The following CELF2 variants were observed in gnomAD, a reference collection of about 807,000 sequenced individuals.
The protein encoded by CELF2 is CUGBP Elav-like family member 2.
Under a neutral mutation model 62.6 loss-of-function variants are expected in CELF2, and 8 were observed. That is an observed-to-expected ratio of 0.13 (90% CI 0.07 to 0.23). The LOEUF (loss-of-function observed/expected upper bound fraction) is 0.23. Ranked by LOEUF, CELF2 falls within the 10% of genes least tolerant of loss-of-function variation. The pLI is 1.00. For synonymous variants in CELF2, 258 were observed against 250.0 expected (o/e 1.03, Z -0.30); for missense variants, 333 against 671.0 (o/e 0.50, Z 5.56).
At chr10:11,291,719 C>T (rs2092551603) in intron 9 of CELF2, among the ~76,000 whole-genome samples, 1 of 152,110 alleles carries the variant, frequency 6.6e-6, no homozygotes, top group African/African-American at 2.4e-5. Flanking sequence ...TATTGTTACC[C>T]AGTTTTTAAC....
intron 2 of CELF2, among the ~76,000 whole-genome samples, chr10:10,942,933 C>A (rs550929962): frequency 2.0e-5 from 3 of 152,204 alleles, no homozygotes; most frequent in South Asian, 4.1e-4. Context: ...CCCATTGTGG[C>A]CAAAAAGGAA....
chr10:10,649,882 G>C, the CELF2 span, among the ~76,000 whole-genome samples: 2 of 152,126 alleles, frequency 1.3e-5, no homozygotes, highest in Non-Finnish European at 1.5e-5. Context: ...GAGTGCAGCT[G>C]TTCCTCTGCT....
At chr10:11,283,955 AGTGT>A (rs1242549965) in intron 8 of CELF2, among the ~76,000 whole-genome samples, 175 of 62,924 alleles carry the variant, frequency 2.8e-3, no homozygotes, top group African/African-American at 8.2e-3. Context: ...ATGAGGGATG[AGTGT>A]GTGGTGGGTG....
At position 10,928,770 on chromosome 10, in the gene CELF2, A is replaced by G. The variant is rs2065788604; in HGVS notation, c.89+8771A>G. On this transcript the variant is annotated intron_variant, in intron 2 of 13. Coordinates refer to the CELF2 transcript ENST00000636488. This position sits in a 1 kb window ranked among gnomAD's most constrained non-coding sequence, Gnocchi z 4.8. The stretch of plus-strand genomic sequence containing the variant: ...CCCTATCCTAGCATCTGTGTCATCC[A>G]ATAATATAATTGACTAGAGGACTTT... Among the ~76,000 whole-genome samples, 1 of 152,166 alleles carries G rather than the reference A, an allele frequency of 6.6e-6. No individual in the cohort carries two copies. The highest frequency in any genetic ancestry group is 2.1e-4 in the South Asian group (1 of 4,826).
chr10:10,827,443 AAG>A (rs1481433959), intron 1 of CELF2, among the ~76,000 whole-genome samples: 1 of 152,226 alleles, frequency 6.6e-6, no homozygotes, highest in African/African-American at 2.4e-5. Context: ...GCAACCTGAG[AAG>A]AGACTAGTTT....
chr10:11,238,232 G>A (rs1198895890), intron 3 of CELF2, among the ~76,000 whole-genome samples: 1 of 152,158 alleles, frequency 6.6e-6, no homozygotes, highest in African/African-American at 2.4e-5. Context: ...CTTAATTTGA[G>A]CTCATTAATC....
At chr10:10,711,205 G>A in the CELF2 span, among the ~76,000 whole-genome samples, 3 of 152,042 alleles carry the variant, frequency 2.0e-5, no homozygotes, top group Admixed American at 6.6e-5. Flanking sequence ...TTATATTGAC[G>A]CCTAAAAGAT....
At chr10:10,856,489 T>A (rs1302809603) in intron 1 of CELF2, among the ~76,000 whole-genome samples, 1 of 152,174 alleles carries the variant, frequency 6.6e-6, no homozygotes, top group Non-Finnish European at 1.5e-5. Flanking sequence ...TGGCTAAAGG[T>A]AAGGAACAAG....
At chr10:11,325,789 C>CT in intron 11 of CELF2, 47 bp from the exon 12 acceptor site, 3 of 1,549,922 alleles carry the variant, frequency 1.9e-6, no homozygotes, top group South Asian at 2.4e-5. Flanking sequence ...ACTTTGGAAA[C>CT]TAAGACTCAA....
chr10:10,480,721 A>G, the CELF2 span, among the ~76,000 whole-genome samples: 1 of 152,250 alleles, frequency 6.6e-6, no homozygotes, highest in Admixed American at 6.5e-5. Context: ...TTTGAAAGTA[A>G]GACTGAAAAT....
At chr10:10,582,008 A>G in the CELF2 span, among the ~76,000 whole-genome samples, 2 of 152,278 alleles carry the variant, frequency 1.3e-5, no homozygotes, top group Non-Finnish European at 2.9e-5. Context: ...AGTCTGGGCA[A>G]CAGAGCAAGA....
At chr10:10,567,917 A>G in the CELF2 span, among the ~76,000 whole-genome samples, 11 of 152,170 alleles carry the variant, frequency 7.2e-5, no homozygotes, top group Non-Finnish European at 1.5e-4. Flanking sequence ...AGATATTTAC[A>G]AAACTCCTAC....
At chr10:10,958,915 G>C (rs2049183607) in intron 2 of CELF2, among the ~76,000 whole-genome samples, 1 of 152,104 alleles carries the variant, frequency 6.6e-6, no homozygotes, top group African/African-American at 2.4e-5. Context: ...ATGGCGCTTT[G>C]GTTGACATTT....
At position 11,275,117 on chromosome 10, in the gene CELF2, G is replaced by T; in HGVS notation, c.838G>T (p.Ala280Ser). 6.2e-7 allele frequency: 1 copy of T among 1,614,168 alleles called. No homozygotes were observed. ...LGAFSGIQQM[A>S]GMNALQLQNL... ...TGCGTTCAGCGGCATTCAACAAATGGCAGGTAAGTCAGGAAGCACGCCTCT... is the reference window on the plus strand; with the variant it reads ...TGCGTTCAGCGGCATTCAACAAATGTCAGGTAAGTCAGGAAGCACGCCTCT... The change falls in exon 8 of 13, where the codon GCA becomes TCA. Residue 280 changes from alanine (A) to serine (S), a missense_variant. Ala to Ser is a moderately conservative substitution (Grantham distance 99). This residue lies in a region of CELF2 where 253 missense variants were observed against 503.0 expected (regional missense o/e 0.50). Transcript: ENST00000633077.
At chr10:10,910,482 T>A (rs1332352418) in intron 1 of CELF2, among the ~76,000 whole-genome samples, 2 of 151,372 alleles carry the variant, frequency 1.3e-5, no homozygotes, top group Non-Finnish European at 1.5e-5. Flanking sequence ...ATCATTTGAG[T>A]TCATGAGTTT....
At chr10:11,148,084 C>A (rs2062611326) in intron 1 of CELF2, among the ~76,000 whole-genome samples, 1 of 152,264 alleles carries the variant, frequency 6.6e-6, no homozygotes, top group Non-Finnish European at 1.5e-5. Flanking sequence ...AAAGTGACCC[C>A]AGTCCGGCAA....
At position 11,005,575 on chromosome 10, in the gene CELF2, G is replaced by C; in HGVS notation, c.53+135G>C. ...GGGGGAAAAAGAATCTAAAGAGGAA[G>C]AGGGAGATGAAATCGAGACCCAGAG... is the stretch of plus-strand genomic sequence containing the variant. On this transcript the variant is annotated intron_variant, in intron 1 of 12. Coordinates refer to the CELF2 transcript ENST00000416382. This position sits in a 1 kb window ranked among gnomAD's most constrained non-coding sequence, Gnocchi z 4.3. 1.5e-6 allele frequency: 2 copies of C among 1,368,386 alleles called. No individual in the cohort carries two copies. The highest frequency in any genetic ancestry group is 2.0e-6 in the Non-Finnish European group (2 of 978,340). 84.8% of individuals were successfully genotyped at this position (1,368,386 alleles called of 1,614,324 possible). A position where few individuals can be genotyped will look rare whatever the true frequency, so the allele number is the denominator to read the frequency against.
rs190773670 is a variant in CELF2 at position 10,944,726 on chromosome 10, C to T, written c.89+24727C>T. ...AAGCGATTCTCATGCCTCAGCCTCC[C>T]GAGTAGCTGGGATTACAGGTGTGCA... On this transcript the variant is annotated intron_variant, in intron 2 of 13. Coordinates refer to the CELF2 transcript ENST00000636488. 5.9e-5 allele frequency among the ~76,000 whole-genome samples: 9 copies of T among 152,080 alleles called. No homozygotes were observed. In the East Asian group the frequency reaches 9.7e-4, roughly 16 times the overall value.
At chr10:10,698,812 G>A in the CELF2 span, among the ~76,000 whole-genome samples, 1 of 152,102 alleles carries the variant, frequency 6.6e-6, no homozygotes, top group Non-Finnish European at 1.5e-5. Context: ...GGTGTCTAGA[G>A]GCAGTCTTTT....
Sources: allele counts gnomAD v4.1 joint callset (sites outside exome capture counted in the v4.1 genomes callset), GRCh38; gene constraint gnomAD v4.1.1; regional missense constraint gnomAD v4.1.1; non-coding constraint Gnocchi (gnomAD v3.1); transcripts MANE v1.5; gene names NCBI Gene and HGNC (gene_info 2026-07-23, HGNC 2026-07-21).